Variants in RBM8A observed in about 807,000 individuals in gnomAD.
The protein encoded by RBM8A is RNA-binding protein 8A.
Under a neutral mutation model 25.1 loss-of-function variants are expected in RBM8A, and 8 were observed. That is an observed-to-expected ratio of 0.32 (90% CI 0.19 to 0.58). The LOEUF is 0.58. Ranked by LOEUF, RBM8A falls within the 20% of genes least tolerant of loss-of-function variation. The pLI is 0.88. For missense variants in RBM8A, 114 were observed against 236.8 expected, an observed-to-expected ratio of 0.48 and a Z score of 3.40; for synonymous variants, 66 against 80.0, an observed-to-expected ratio of 0.82 and a Z score of 0.94.
chr1:145,924,357 G>A lies in RBM8A; in HGVS notation c.*1525C>T, dbSNP rs1647983644. 4.1e-6 allele frequency: 2 copies of A among 490,902 alleles called. No individual in the cohort carries two copies. The highest frequency in any genetic ancestry group is 8.3e-6 in the Non-Finnish European group (2 of 241,352). 30.4% of individuals were successfully genotyped at this position (490,902 alleles called of 1,614,324 possible). A position where few individuals can be genotyped will look rare whatever the true frequency, so the allele number is the denominator to read the frequency against. On this transcript the variant is annotated 3_prime_UTR_variant, in exon 6 of 6. Coordinates refer to ENST00000583313, the MANE Select transcript of RBM8A (RefSeq NM_005105.5). ...GTGTCCAGGCCCCAGACAAGGAAGG[G>A]GAGCCATGGTGAGACTCCAATTCCC...
In RBM8A at chr1:145,925,744, T is replaced by G. The variant is rs1648114646; in HGVS notation, c.*138A>C. 1 of 984,762 alleles carries G rather than the reference T, an allele frequency of 1.0e-6. No individual in the cohort carries two copies. The highest frequency in any genetic ancestry group is 1.5e-6 in the Non-Finnish European group (1 of 660,366). The allele number at this position is 984,762 out of a possible 1,614,324, so 61.0% of individuals were successfully genotyped here. ...AATGTAGAAAACAAAAATGGAACAT[T>G]TATTCGCAACTCAAATACTACGCAT... On this transcript the variant is annotated 3_prime_UTR_variant, in exon 6 of 6. Transcript: ENST00000583313.
intron 3 of RBM8A, 87 bp from the exon 4 acceptor site, chr1:145,926,705 T>G (rs1648180641): frequency 1.9e-6 from 3 of 1,612,704 alleles, no homozygotes; most frequent in Non-Finnish European, 2.5e-6. Context: ...GGACTCAGAT[T>G]GTTTAAGCTA....
In RBM8A at chr1:145,921,785, G is replaced by A. The variant is rs942885890; in HGVS notation, c.*4097C>T. 1.3e-5 allele frequency: 2 copies of A among 155,210 alleles called. No homozygotes were observed. Among genetic ancestry groups the A allele is most frequent in the African/African-American group, 2.4e-5 (1 of 41,834 alleles). The allele number at this position is 155,210 out of a possible 1,614,324, so 9.6% of individuals were successfully genotyped here. A position where few individuals can be genotyped will look rare whatever the true frequency, so the allele number is the denominator to read the frequency against. ...ATACAACAGCATCTCTGAGACTGTA[G>A]GATTAGAATTATGTCAGAAGGAGGC... On this transcript the variant is annotated 3_prime_UTR_variant, in exon 6 of 6. Transcript: ENST00000583313.
rs374153506 is a variant in RBM8A at position 145,923,666 on chromosome 1, A to C, written c.*2216T>G. On this transcript the variant is annotated 3_prime_UTR_variant, in exon 6 of 6. Transcript: ENST00000583313. Reference sequence around the variant, plus strand: ...AGCCCAATAGCATTTGGAAAATGTTAAATTTTATTATTTAACATTCTTTAC... The same window carrying C: ...AGCCCAATAGCATTTGGAAAATGTTCAATTTTATTATTTAACATTCTTTAC... 2.6e-6 allele frequency: 1 copy of C among 381,684 alleles called. No individual in the cohort carries two copies. 23.6% of individuals were successfully genotyped at this position (381,684 alleles called of 1,614,324 possible).
In RBM8A at chr1:145,926,279, T is replaced by C. The variant is rs1451287714; in HGVS notation, c.343-102A>G. 4 of 1,513,870 alleles carry C rather than the reference T, an allele frequency of 2.6e-6. No homozygotes were observed. In the African/African-American group the frequency reaches 5.5e-5, roughly 21 times the overall value. The allele number at this position is 1,513,870 out of a possible 1,614,324, so 93.8% of individuals were successfully genotyped here. A position where few individuals can be genotyped will look rare whatever the true frequency, so the allele number is the denominator to read the frequency against. ...TAAACTCAGAAAAATCTACACACTT[T>C]AAACAATGAATGTACATCATATATC... On this transcript the variant is annotated intron_variant, in intron 4 of 5. Coordinates refer to ENST00000583313, the MANE Select transcript of RBM8A (RefSeq NM_005105.5).
At chr1:145,926,704 T>C (rs1648180534) in intron 3 of RBM8A, 86 bp from the exon 4 acceptor site, 2 of 1,612,674 alleles carry the variant, frequency 1.2e-6, no homozygotes, top group Non-Finnish European at 1.7e-6. Context: ...CGGACTCAGA[T>C]TGTTTAAGCT....
intron 4 of RBM8A, 140 bp downstream of exon 4, chr1:145,926,340 CTT>C: frequency 6.9e-7 from 1 of 1,459,598 alleles, no homozygotes; most frequent in South Asian, 1.3e-5. Context: ...GTTTCTGTCT[CTT>C]TGGCGTGTCT....
chr1:145,925,111 A>C lies in RBM8A; in HGVS notation c.*771T>G. 3.7e-6 allele frequency: 1 copy of C among 269,738 alleles called. No individual in the cohort carries two copies. Among genetic ancestry groups the C allele is most frequent in the Non-Finnish European group, 6.8e-6 (1 of 147,214 alleles). The allele number at this position is 269,738 out of a possible 1,614,324, so 16.7% of individuals were successfully genotyped here. On this transcript the variant is annotated 3_prime_UTR_variant, in exon 6 of 6. Transcript: ENST00000583313. ...CCAAGAACTTAGTATAGACTCTTCT[A>C]AAGAAGGGTCTGGGAGAATGCTCCA...
At position 145,923,820 on chromosome 1, in the gene RBM8A, A is replaced by G. The variant is rs2101874348; in HGVS notation, c.*2062T>C. 1.8e-6 allele frequency: 1 copy of G among 542,676 alleles called. No individual in the cohort carries two copies. The highest frequency in any genetic ancestry group is 1.9e-5 in the African/African-American group (1 of 53,496). The allele number at this position is 542,676 out of a possible 1,614,324, so 33.6% of individuals were successfully genotyped here. The stretch of plus-strand genomic sequence containing the variant: ...TTTTCCACAAAATAACAGACATACC[A>G]GGAAAATCATTTCAGCTAAAAATAT... On this transcript the variant is annotated 3_prime_UTR_variant, in exon 6 of 6. Coordinates refer to ENST00000583313, the MANE Select transcript of RBM8A (RefSeq NM_005105.5).
In RBM8A at chr1:145,924,193, C is replaced by T. The variant is rs199817292; in HGVS notation, c.*1689G>A. On this transcript the variant is annotated 3_prime_UTR_variant, in exon 6 of 6. Coordinates refer to ENST00000583313, the MANE Select transcript of RBM8A (RefSeq NM_005105.5). Reference sequence around the variant, plus strand: ...ACACGGTCCACTGAGCTGGCCCAGTCCCTTTCACTCAGTGTGTCACCAAAG... The same window carrying T: ...ACACGGTCCACTGAGCTGGCCCAGTTCCTTTCACTCAGTGTGTCACCAAAG... 18 of 690,154 alleles carry T rather than the reference C, an allele frequency of 2.6e-5. No homozygotes were observed. The highest frequency in any genetic ancestry group is 4.6e-5 in the Non-Finnish European group (17 of 367,910). The allele number at this position is 690,154 out of a possible 1,614,324, so 42.8% of individuals were successfully genotyped here.
intron 2 of RBM8A, 34 bp from the exon 3 acceptor site, chr1:145,926,920 C>T (rs782258602): frequency 5.6e-6 from 9 of 1,614,030 alleles, no homozygotes; most frequent in Non-Finnish European, 7.6e-6. Flanking sequence ...ACCGAAAACT[C>T]CTCCTTTCTC....
In RBM8A at chr1:145,925,812, A is replaced by C; in HGVS notation, c.*70T>G. On this transcript the variant is annotated 3_prime_UTR_variant, in exon 6 of 6. Transcript: ENST00000583313. ...ATATAAACACAGCAAGTTCCACCCC[A>C]GTCCTATTTGTCCAAGGCTGCATGG... The C allele has an allele frequency of 1.3e-6, 2 of 1,491,028 alleles. No homozygotes were observed. The highest frequency in any genetic ancestry group is 9.3e-7 in the Non-Finnish European group (1 of 1,070,524). 92.4% of individuals were successfully genotyped at this position (1,491,028 alleles called of 1,614,324 possible). A position where few individuals can be genotyped will look rare whatever the true frequency, so the allele number is the denominator to read the frequency against.
At chr1:145,926,426 GA>G (rs1276044734) in intron 4 of RBM8A, 55 bp downstream of exon 4, 2 of 1,588,794 alleles carry the variant, frequency 1.3e-6, no homozygotes, top group African/African-American at 2.7e-5. Context: ...ACAGAACTAC[GA>G]ATGCTACCTA....
intron 3 of RBM8A, 63 bp downstream of exon 3, chr1:145,926,746 A>G: frequency 6.2e-7 from 1 of 1,613,870 alleles, no homozygotes. Context: ...GCGTTTAACT[A>G]TTTTATTGGT....
At position 145,925,339 on chromosome 1, in the gene RBM8A, T is replaced by C. The variant is rs1452562220; in HGVS notation, c.*543A>G. 3.8e-5 allele frequency: 13 copies of C among 340,986 alleles called. No homozygotes were observed. In the Admixed American group the frequency reaches 5.3e-4, roughly 14 times the overall value. 21.1% of individuals were successfully genotyped at this position (340,986 alleles called of 1,614,324 possible). ...CTAGTTCCCCCCAAAAAAGAAATAC[T>C]GACCAGTGTCTCTACTTTAAACCCT... is the stretch of plus-strand genomic sequence containing the variant. On this transcript the variant is annotated 3_prime_UTR_variant, in exon 6 of 6. Coordinates refer to ENST00000583313, the MANE Select transcript of RBM8A (RefSeq NM_005105.5).
In RBM8A at chr1:145,926,093, G is replaced by A. The variant is rs1553755818; in HGVS notation, c.427C>T (p.Pro143Ser). ...ACAAAACACCAGTCAACGCTGATGGGCTGTCCCATCAAATCCTGGCCATTG... is the reference window on the plus strand; with the variant it reads ...ACAAAACACCAGTCAACGCTGATGGACTGTCCCATCAAATCCTGGCCATTG... ...GLNGQDLMGQ[P>S]ISVDWCFVRG... is the part of the protein sequence containing the mutation. The change falls in exon 5 of 6, where the codon CCC becomes TCC. Residue 143 changes from proline to serine, a missense_variant. This residue lies in a region of RBM8A where 102 missense variants were observed against 182.7 expected (regional missense o/e 0.56). Transcript: ENST00000583313. 1 of 1,614,194 alleles carries A rather than the reference G, an allele frequency of 6.2e-7. No homozygotes were observed. Among genetic ancestry groups the A allele is most frequent in the Admixed American group, 1.7e-5 (1 of 60,028 alleles).
chr1:145,925,655 C>T lies in RBM8A; in HGVS notation c.*227G>A, dbSNP rs1429879343. 3.6e-6 allele frequency: 2 copies of T among 559,390 alleles called. No individual in the cohort carries two copies. The highest frequency in any genetic ancestry group is 3.8e-5 in the African/African-American group (2 of 52,766). 34.7% of individuals were successfully genotyped at this position (559,390 alleles called of 1,614,324 possible). On this transcript the variant is annotated 3_prime_UTR_variant, in exon 6 of 6. Transcript: ENST00000583313. ...AGTTCAGTCCCTAGAAGTATCTTCA[C>T]AATGATCCATACAGCCTTGCTATGC... is the stretch of plus-strand genomic sequence containing the variant.
Position 145,922,097 on chromosome 1 carries a change from A to C in RBM8A, c.*3785T>G, listed in dbSNP as rs942865661. ...AAATTAGCCGGGTATAGTGGTGAGCACCTGTAATCCCAACTACTCAGGAGG... is the reference window on the plus strand; with the variant it reads ...AAATTAGCCGGGTATAGTGGTGAGCCCCTGTAATCCCAACTACTCAGGAGG... On this transcript the variant is annotated 3_prime_UTR_variant, in exon 6 of 6. Coordinates refer to ENST00000583313, the MANE Select transcript of RBM8A (RefSeq NM_005105.5). The C allele has an allele frequency of 3.3e-5, 5 of 151,950 alleles. No individual in the cohort carries two copies. The highest frequency in any genetic ancestry group is 7.3e-5 in the Non-Finnish European group (5 of 68,042). The allele number at this position is 151,950 out of a possible 1,614,324, so 9.4% of individuals were successfully genotyped here. A position where few individuals can be genotyped will look rare whatever the true frequency, so the allele number is the denominator to read the frequency against.
intron 4 of RBM8A, 144 bp downstream of exon 4, chr1:145,926,338 C>G: frequency 6.9e-7 from 1 of 1,454,514 alleles, no homozygotes; most frequent in Non-Finnish European, 9.4e-7. Context: ...CCGTTTCTGT[C>G]TCTTTGGCGT....
Sources: gnomAD v4.1 joint callset for allele counts on GRCh38, gnomAD v4.1.1 for gene constraint, gnomAD v4.1.1 regional missense constraint, MANE v1.5 for transcripts, NCBI Gene and HGNC (gene_info 2026-07-23, HGNC 2026-07-21) for gene names.